The following CCDC7 variants were observed in gnomAD, a reference collection of about 807,000 sequenced individuals.
The protein encoded by CCDC7 is coiled-coil domain containing 7, also known as coiled-coil domain-containing protein 7.
Under a neutral mutation model 196.9 loss-of-function variants are expected in CCDC7, and 183 were observed. That is an observed-to-expected ratio of 0.93 (90% CI 0.82 to 1.05). The LOEUF (loss-of-function observed/expected upper bound fraction) is 1.05. CCDC7 is among the 50% of genes least tolerant of loss of function. CCDC7 has a pLI of 0.00. For missense variants in CCDC7, 1,540 were observed against 1,482.2 expected (o/e 1.04, Z -0.64); for synonymous variants, 525 against 484.6 (o/e 1.08, Z -1.10).
intron 18 of CCDC7, among the ~76,000 whole-genome samples, chr10:32,588,665 C>G (rs980393832): frequency 4.6e-5 from 7 of 151,990 alleles, no homozygotes; most frequent in Non-Finnish European, 1.0e-4. Flanking sequence ...TAATGTTGGT[C>G]TTATTTTGTA....
intron 39 of CCDC7, 52 bp from the exon 41 acceptor site, chr10:32,851,755 A>G: frequency 1.3e-6 from 2 of 1,517,998 alleles, no homozygotes; most frequent in Non-Finnish European, 1.8e-6. Context: ...TATTAAAAAT[A>G]ATTACAAATG....
chr10:32,625,010 T>TA (rs2063833506), intron 18 of CCDC7, among the ~76,000 whole-genome samples: 1 of 117,614 alleles, frequency 8.5e-6, no homozygotes, highest in Admixed American at 8.6e-5. Flanking sequence ...TTTTTTTTTT[T>TA]AGTTCTTCAC....
chr10:32,589,025 T>G (rs2059550334), intron 18 of CCDC7, among the ~76,000 whole-genome samples: 1 of 152,128 alleles, frequency 6.6e-6, no homozygotes, highest in African/African-American at 2.4e-5. Context: ...CAATTATACT[T>G]TCTTAGTTAT....
chr10:32,468,613 C>T (rs1482689904), intron 5 of CCDC7, among the ~76,000 whole-genome samples: 3 of 152,034 alleles, frequency 2.0e-5, no homozygotes, highest in Non-Finnish European at 4.4e-5. Context: ...ACTTCCAATA[C>T]TGTGTTGAAT....
chr10:32,704,693 C>T (rs1163997873), intron 24 of CCDC7, among the ~76,000 whole-genome samples: 1 of 152,148 alleles, frequency 6.6e-6, no homozygotes, highest in African/African-American at 2.4e-5. Flanking sequence ...TTTAGCTACT[C>T]AAGCCTCAGC....
At chr10:32,632,592 C>G (rs59283146) in intron 18 of CCDC7, among the ~76,000 whole-genome samples, 2 of 152,142 alleles carry the variant, frequency 1.3e-5, no homozygotes, top group East Asian at 3.9e-4. Flanking sequence ...TAAAATTCCT[C>G]TAAGCATCAC....
chr10:32,723,707 GAC>G (rs1467463876), intron 25 of CCDC7, among the ~76,000 whole-genome samples: 2 of 151,988 alleles, frequency 1.3e-5, no homozygotes, highest in African/African-American at 4.8e-5. Flanking sequence ...CCCACAAGAT[GAC>G]ACTCTCACTA....
At chr10:32,588,942 T>A (rs1449905041) in intron 18 of CCDC7, among the ~76,000 whole-genome samples, 1 of 152,174 alleles carries the variant, frequency 6.6e-6, no homozygotes, top group East Asian at 1.9e-4. Context: ...TGGCGTATAA[T>A]GTGTAATAAT....
At chr10:32,639,695 T>G (rs1312119176) in intron 20 of CCDC7, among the ~76,000 whole-genome samples, 5 of 151,202 alleles carry the variant, frequency 3.3e-5, no homozygotes, top group Admixed American at 6.6e-5. Context: ...TGGCACGATC[T>G]CGGCTCACTT....
At chr10:32,697,916 T>A (rs1184446281) in intron 24 of CCDC7, among the ~76,000 whole-genome samples, 1 of 152,122 alleles carries the variant, frequency 6.6e-6, no homozygotes, top group Non-Finnish European at 1.5e-5. Flanking sequence ...GGGAGACATC[T>A]CCCAGTAGGG....
At chr10:32,644,654 C>T (rs901435900) in intron 20 of CCDC7, among the ~76,000 whole-genome samples, 9 of 152,244 alleles carry the variant, frequency 5.9e-5, no homozygotes, top group Admixed American at 1.3e-4. Flanking sequence ...ATCACGAGGG[C>T]GATTTCCCCC....
At chr10:32,522,463 T>A (rs1209251257) in intron 11 of CCDC7, among the ~76,000 whole-genome samples, 1 of 152,178 alleles carries the variant, frequency 6.6e-6, no homozygotes, top group Non-Finnish European at 1.5e-5. Flanking sequence ...GTATAGTTGC[T>A]CATAGTAGCC....
intron 28 of CCDC7, among the ~76,000 whole-genome samples, chr10:32,770,849 T>C (rs2079058415): frequency 1.3e-5 from 2 of 152,188 alleles, no homozygotes; most frequent in Admixed American, 1.3e-4. Context: ...TCATTGTCTT[T>C]TTTTCTTTTT....
At chr10:32,515,842 G>A (rs2046944584) in intron 9 of CCDC7, among the ~76,000 whole-genome samples, 1 of 151,956 alleles carries the variant, frequency 6.6e-6, no homozygotes, top group African/African-American at 2.4e-5. Context: ...CCTGGCCTTG[G>A]ATTACTTATT....
intron 30 of CCDC7, 31 bp downstream of exon 31, chr10:32,805,129 T>C: frequency 6.8e-7 from 1 of 1,472,990 alleles, no homozygotes; most frequent in South Asian, 1.1e-5. Context: ...CTAATATTTC[T>C]CATTTATTTT....
chr10:32,845,746 T>C (rs2093251028), intron 35 of CCDC7, 120 bp downstream of exon 36: 1 of 1,128,164 alleles, frequency 8.9e-7, no homozygotes, highest in Non-Finnish European at 1.3e-6. Context: ...GGTAAAATTC[T>C]TCATGAATAC....
intron 11 of CCDC7, among the ~76,000 whole-genome samples, chr10:32,536,511 C>T (rs532318658): frequency 2.0e-5 from 3 of 152,066 alleles, no homozygotes; most frequent in African/African-American, 4.8e-5. Flanking sequence ...CCTCACACTT[C>T]GGTTAACTTT....
intron 13 of CCDC7, 66 bp downstream of exon 14, chr10:32,544,367 A>G (rs1589716532): frequency 6.7e-7 from 1 of 1,489,444 alleles, no homozygotes; most frequent in East Asian, 2.3e-5. Flanking sequence ...TCATATATAG[A>G]GAAACATTAT....
At position 32,528,603 on chromosome 10, in the gene CCDC7, G is replaced by A. The variant is rs543181210; in HGVS notation, c.993+10098G>A. 1.4e-3 allele frequency among the ~76,000 whole-genome samples: 213 copies of A among 150,852 alleles called. 1 individual carries two copies. The highest frequency in any genetic ancestry group is 4.9e-3 in the African/African-American group (202 of 41,138). The stretch of plus-strand genomic sequence containing the variant: ...TTATTTCATTCCTTTTTATGGCTGA[G>A]TAGTATTCCATGGTATTCCATGGTA... On this transcript the variant is annotated intron_variant, in intron 11 of 41. Coordinates refer to ENST00000639629, the Ensembl canonical transcript of CCDC7.
Sources: gnomAD v4.1 joint callset for allele counts (sites outside exome capture counted in the v4.1 genomes callset) on GRCh38, gnomAD v4.1.1 for gene constraint, MANE v1.5 for transcripts, NCBI Gene and HGNC (gene_info 2026-07-23, HGNC 2026-07-21) for gene names.